The following MEF2C variants were observed in gnomAD, a reference collection of about 807,000 sequenced individuals.
MEF2C encodes myocyte enhancer factor 2C.
MEF2C carries 6 observed loss-of-function variants against 50.5 expected under a neutral mutation model. That is an observed-to-expected ratio of 0.12 (90% CI 0.07 to 0.23). The LOEUF (loss-of-function observed/expected upper bound fraction) is 0.23. MEF2C is among the 10% of genes least tolerant of loss of function. The pLI, the probability that MEF2C is intolerant of heterozygous loss-of-function variation, is 1.00. For synonymous variants in MEF2C, 183 were observed against 228.0 expected, an observed-to-expected ratio of 0.80 and a Z score of 1.78; for missense variants, 276 against 605.0, an observed-to-expected ratio of 0.46 and a Z score of 5.70.
intron 7 of MEF2C, 106 bp from the exon 8 acceptor site, chr5:88,730,340 T>C (rs1760907688): frequency 2.5e-6 from 3 of 1,197,038 alleles, no homozygotes; most frequent in Non-Finnish European, 3.6e-6. Flanking sequence ...GACACAACAG[T>C]TTAAACAGTT....
chr5:88,785,870 T>C (rs374832551), intron 3 of MEF2C, among the ~76,000 whole-genome samples: 1 of 151,790 alleles, frequency 6.6e-6, no homozygotes, highest in African/African-American at 2.4e-5. Flanking sequence ...GGGGCTAAAA[T>C]GTTTATTGGC....
rs531027174 is a variant in MEF2C, at chr5:88,898,597, C to T, written c.-240+5319G>A. Among the ~76,000 whole-genome samples, 20 of 152,276 alleles carry T rather than the reference C, an allele frequency of 1.3e-4. 1 individual carries two copies. The South Asian group carries it at 4.1e-3, about 32-fold the overall frequency. ...TGTTCCTTGTGACCTCAGTAATCAC[C>T]TCCATCTGCCAAGCAGTCATAAAGG... On this transcript the variant is annotated intron_variant, in intron 1 of 11. Transcript: ENST00000340208.
At chr5:88,869,276 T>TATATATATATATATATATATAC (rs1554050855) in intron 1 of MEF2C, among the ~76,000 whole-genome samples, 1 of 101,740 alleles carries the variant, frequency 9.8e-6, no homozygotes, top group Non-Finnish European at 1.9e-5. Flanking sequence ...TATATATATA[T>TATATATATATATATATATATAC]ACATATATAT....
At chr5:88,725,374 A>G (rs1240836973) in intron 10 of MEF2C, among the ~76,000 whole-genome samples, 1 of 152,288 alleles carries the variant, frequency 6.6e-6, no homozygotes, top group East Asian at 1.9e-4. Context: ...GACATAGGAT[A>G]TAAAATAGAA....
intron 3 of MEF2C, among the ~76,000 whole-genome samples, chr5:88,801,336 A>G (rs186125203): frequency 6.6e-6 from 1 of 152,302 alleles, no homozygotes; most frequent in African/African-American, 2.4e-5. Context: ...AATTTTACCC[A>G]GGAGCAGTAA....
At chr5:88,738,916 C>G in intron 6 of MEF2C, 17 of 984,976 alleles carry the variant, frequency 1.7e-5, no homozygotes, top group Non-Finnish European at 2.0e-5. Context: ...CTGAGTTTAG[C>G]TACACTGAAC....
chr5:88,723,173 C>G (rs1182856759), intron 10 of MEF2C, among the ~76,000 whole-genome samples: 2 of 152,164 alleles, frequency 1.3e-5, no homozygotes, highest in Admixed American at 6.5e-5. Context: ...TCTCTAGTCT[C>G]CGAGAGGCTC....
chr5:88,877,003 A>C (rs1197312515), intron 1 of MEF2C, among the ~76,000 whole-genome samples: 1 of 152,046 alleles, frequency 6.6e-6, no homozygotes, highest in Non-Finnish European at 1.5e-5. Context: ...AGTTTTGGGT[A>C]CTTAATTTAA....
rs149528550 is a variant in MEF2C at position 88,893,689 on chromosome 5, C to T, written c.-239-6091G>A. On this transcript the variant is annotated intron_variant, in intron 1 of 11. Coordinates refer to the MEF2C transcript ENST00000340208. ...TGCATAGATCTATATGCTTTCAATA[C>T]GTAATTTTATAGAAATTGTGGAACA... 4.5e-3 allele frequency among the ~76,000 whole-genome samples: 683 copies of T among 152,172 alleles called. 11 individuals carry two copies. Among genetic ancestry groups the T allele is most frequent in the African/African-American group, 0.016 (659 of 41,510 alleles).
chr5:88,744,154 A>G (rs1768196817), intron 6 of MEF2C: 1 of 984,832 alleles, frequency 1.0e-6, no homozygotes, highest in South Asian at 4.7e-5. Context: ...GAATAATCCA[A>G]CACAAGGCAT....
chr5:88,842,904 G>A (rs763321218), intron 1 of MEF2C, among the ~76,000 whole-genome samples: 4 of 152,118 alleles, frequency 2.6e-5, no homozygotes, highest in Non-Finnish European at 5.9e-5. Flanking sequence ...AATTAAGCGT[G>A]GGTTCTATTC....
At chr5:88,745,789 T>G (rs1350731359) in intron 6 of MEF2C, among the ~76,000 whole-genome samples, 1 of 152,224 alleles carries the variant, frequency 6.6e-6, no homozygotes, top group Non-Finnish European at 1.5e-5. Flanking sequence ...CACTCCAACC[T>G]GGGTGACAGA....
rs985261230 is a variant in MEF2C, at chr5:88,876,430, C to T, written c.-143+6525G>A. Reference sequence around the variant, plus strand: ...ATCTTAAAATTACTTTAAAGAAATTCCAATCCCTCATGTTACATTAAGCAA... The same window carrying T: ...ATCTTAAAATTACTTTAAAGAAATTTCAATCCCTCATGTTACATTAAGCAA... On this transcript the variant is annotated intron_variant, in intron 1 of 10. Coordinates refer to ENST00000504921, the MANE Select transcript of MEF2C (RefSeq NM_002397.5). Among the ~76,000 whole-genome samples the T allele has an allele frequency of 4.6e-5, 7 of 152,024 alleles. No individual in the cohort carries two copies. In the East Asian group the frequency reaches 1.2e-3, roughly 25 times the overall value.
At chr5:88,845,965 A>G (rs1275886385) in intron 1 of MEF2C, among the ~76,000 whole-genome samples, 2 of 152,126 alleles carry the variant, frequency 1.3e-5, no homozygotes, top group African/African-American at 2.4e-5. Flanking sequence ...TTTTCAGCCT[A>G]TATCTTCTTG....
At chr5:88,797,454 C>CG (rs1169605093) in intron 3 of MEF2C, among the ~76,000 whole-genome samples, 2 of 25,242 alleles carry the variant, frequency 7.9e-5, no homozygotes, top group South Asian at 2.3e-3. Context: ...GCAACCCTTG[C>CG]CTTTTTTTTT....
intron 1 of MEF2C, among the ~76,000 whole-genome samples, chr5:88,842,635 C>G (rs1817799028): frequency 6.6e-6 from 1 of 151,634 alleles, no homozygotes; most frequent in African/African-American, 2.4e-5. Flanking sequence ...ATGGGAAATA[C>G]TGTGATAGTT....
At chr5:88,762,885 C>A (rs777913788) in intron 3 of MEF2C, among the ~76,000 whole-genome samples, 2 of 152,132 alleles carry the variant, frequency 1.3e-5, no homozygotes, top group Non-Finnish European at 2.9e-5. Context: ...TGAGATAACA[C>A]CCCATCTTTA....
rs546774046 is a variant in MEF2C, at chr5:88,802,974, C to T, written c.258+1624G>A. ...AACTCAAATTCTTTTGTTACCCTGA[C>T]TTTTGTTATAATGGTTTTAGTAATG... On this transcript the variant is annotated intron_variant, in intron 3 of 10. Coordinates refer to ENST00000504921, the MANE Select transcript of MEF2C (RefSeq NM_002397.5). Among the ~76,000 whole-genome samples, 10 of 152,234 alleles carry T rather than the reference C, an allele frequency of 6.6e-5. No homozygotes were observed. The South Asian group carries it at 2.1e-3, about 32-fold the overall frequency.
chr5:88,813,729 C>T (rs1297973745), intron 2 of MEF2C, among the ~76,000 whole-genome samples: 2 of 152,044 alleles, frequency 1.3e-5, no homozygotes, highest in Non-Finnish European at 2.9e-5. Context: ...TTAATTGAAC[C>T]TTACAGTGCT....
Sources: gnomAD v4.1 joint callset for allele counts (sites outside exome capture counted in the v4.1 genomes callset) on GRCh38, gnomAD v4.1.1 for gene constraint, MANE v1.5 for transcripts, NCBI Gene and HGNC (gene_info 2026-07-23, HGNC 2026-07-21) for gene names.